Variants in UQCC1 observed in about 807,000 individuals in gnomAD.
UQCC1 encodes ubiquinol-cytochrome c reductase complex assembly factor 1.
Under a neutral mutation model 48.0 loss-of-function variants are expected in UQCC1, and 38 were observed. The ratio of observed to expected loss-of-function variants is 0.79; its 90% CI spans 0.61 to 1.04. UQCC1 has a LOEUF of 1.04. UQCC1 is among the 50% of genes least tolerant of loss of function. The probability of loss-of-function intolerance (pLI) is 0.00; values close to 1 mark genes in which losing one functional copy is unlikely to be tolerated. For synonymous variants in UQCC1, 111 were observed against 129.2 expected (o/e 0.86, Z 0.95); for missense variants, 368 against 381.8 (o/e 0.96, Z 0.30).
intron 5 of UQCC1, among the ~76,000 whole-genome samples, chr20:35,368,694 G>C (rs2061696473): frequency 6.6e-6 from 1 of 152,190 alleles, no homozygotes; most frequent in African/African-American, 2.4e-5. Context: ...CGTGTGGGCA[G>C]CCACAATATT....
intron 1 of UQCC1, among the ~76,000 whole-genome samples, chr20:35,400,382 T>C (rs1243499313): frequency 1.3e-5 from 2 of 151,976 alleles, no homozygotes; most frequent in East Asian, 3.8e-4. Context: ...TCATAGCCAC[T>C]CCCAATGGCA....
intron 6 of UQCC1, among the ~76,000 whole-genome samples, chr20:35,362,714 G>T (rs2061619614): frequency 6.6e-6 from 1 of 152,078 alleles, no homozygotes; most frequent in Admixed American, 6.6e-5. Context: ...GAGTGCATGT[G>T]TGTGCGTGTG....
chr20:35,360,819 C>T (rs554167709), intron 6 of UQCC1, among the ~76,000 whole-genome samples: 2 of 152,214 alleles, frequency 1.3e-5, no homozygotes, highest in South Asian at 2.1e-4. Flanking sequence ...GCTGGTGATC[C>T]GTAAATGTTT....
chr20:35,332,616 G>A (rs2061269092), intron 7 of UQCC1, among the ~76,000 whole-genome samples: 1 of 152,212 alleles, frequency 6.6e-6, no homozygotes, highest in Admixed American at 6.5e-5. Context: ...CCATTTTGGA[G>A]GCCAAGGAAG....
At position 35,394,138 on chromosome 20, in the gene UQCC1, G is replaced by A; in HGVS notation, c.83C>T (p.Ser28Phe). Residue 28 changes from serine (S) to phenylalanine (F), a missense_variant, in exon 2 of 10, where the codon TCT becomes TTT. By Grantham distance (155) the Ser-to-Phe change is radical. Coordinates refer to ENST00000374385, the MANE Select transcript of UQCC1 (RefSeq NM_018244.5). ...CCTGTCCCCCTGTCCTTGGGTAGGA[G>A]ACACAGGTATCAATCGGCTGCATAC... ...VPVCSRLIPV[S>F]PTQGQGDRAL... 2 of 1,614,040 alleles carry A rather than the reference G, an allele frequency of 1.2e-6. No homozygotes were observed. The highest frequency in any genetic ancestry group is 1.7e-6 in the Non-Finnish European group (2 of 1,179,982).
chr20:35,395,048 C>T (rs533751210), intron 1 of UQCC1, among the ~76,000 whole-genome samples: 2 of 152,144 alleles, frequency 1.3e-5, no homozygotes, highest in East Asian at 1.9e-4. Flanking sequence ...AGACAGGGTA[C>T]GGGGTGGGAG....
chr20:35,304,867 C>T (rs2060911130), intron 9 of UQCC1, among the ~76,000 whole-genome samples: 1 of 152,212 alleles, frequency 6.6e-6, no homozygotes, highest in Non-Finnish European at 1.5e-5. Flanking sequence ...TCAACCCCAG[C>T]CTCTCGCACG....
chr20:35,335,798 T>C (rs956154340), intron 7 of UQCC1, among the ~76,000 whole-genome samples: 4 of 152,222 alleles, frequency 2.6e-5, no homozygotes, highest in Admixed American at 2.6e-4. Flanking sequence ...TGTTATGGGA[T>C]ATAAATTATA....
At chr20:35,349,611 TA>T (rs1228803009) in intron 6 of UQCC1, among the ~76,000 whole-genome samples, 1 of 152,122 alleles carries the variant, frequency 6.6e-6, no homozygotes, top group Non-Finnish European at 1.5e-5. Flanking sequence ...ATAGGAGGAC[TA>T]GAAGTATCTT....
intron 5 of UQCC1, among the ~76,000 whole-genome samples, chr20:35,369,962 T>G (rs2061711250): frequency 6.6e-6 from 1 of 152,172 alleles, no homozygotes; most frequent in African/African-American, 2.4e-5. Context: ...CACTGTGGAA[T>G]TCAACAGGAG....
intron 5 of UQCC1, among the ~76,000 whole-genome samples, chr20:35,372,156 A>C (rs2061740360): frequency 6.6e-6 from 1 of 151,908 alleles, no homozygotes; most frequent in Non-Finnish European, 1.5e-5. Flanking sequence ...CTAAAAGTAC[A>C]AAAAAATTAG....
At chr20:35,306,254 G>T (rs1326150630) in intron 9 of UQCC1, among the ~76,000 whole-genome samples, 1 of 152,176 alleles carries the variant, frequency 6.6e-6, no homozygotes, top group African/African-American at 2.4e-5. Context: ...CAGTTTTGCT[G>T]GAAGTCAGGA....
intron 8 of UQCC1, among the ~76,000 whole-genome samples, chr20:35,310,173 A>G (rs1464828497): frequency 6.6e-6 from 1 of 152,262 alleles, no homozygotes; most frequent in Non-Finnish European, 1.5e-5. Context: ...AGTGGGAAAG[A>G]GCCAGACCGT....
intron 1 of UQCC1, among the ~76,000 whole-genome samples, chr20:35,404,685 C>G (rs1195773507): frequency 1.4e-5 from 2 of 141,406 alleles, no homozygotes; most frequent in Non-Finnish European, 3.0e-5. Flanking sequence ...AAGCTTGACT[C>G]TGAAAAAAAA....
rs553099510 is a variant in UQCC1, at chr20:35,395,928, G to T, written c.25-1732C>A. On this transcript the variant is annotated intron_variant, in intron 1 of 9. Coordinates refer to ENST00000374385, the MANE Select transcript of UQCC1 (RefSeq NM_018244.5). ...TCTGGGAAGAGAAACAAAATAAGCA[G>T]ACTTCTGGCATTTTATGATTAGATT... 1.9e-4 allele frequency among the ~76,000 whole-genome samples: 28 copies of T among 150,146 alleles called. 1 individual carries two copies. Among genetic ancestry groups the T allele is most frequent in the African/African-American group, 6.6e-4 (27 of 41,078 alleles).
intron 7 of UQCC1, among the ~76,000 whole-genome samples, chr20:35,327,734 T>C (rs1471965131): frequency 6.6e-6 from 1 of 152,160 alleles, no homozygotes; most frequent in Non-Finnish European, 1.5e-5. Flanking sequence ...GTGCAGTGGC[T>C]CATGCCTCTG....
chr20:35,329,068 G>A (rs985278476), intron 7 of UQCC1, among the ~76,000 whole-genome samples: 1 of 152,162 alleles, frequency 6.6e-6, no homozygotes, highest in Non-Finnish European at 1.5e-5. Flanking sequence ...AATGCTACTG[G>A]ATCTAGAGGA....
intron 2 of UQCC1, among the ~76,000 whole-genome samples, chr20:35,390,234 G>A (rs1466880473): frequency 6.6e-6 from 1 of 152,036 alleles, no homozygotes; most frequent in Non-Finnish European, 1.5e-5. Flanking sequence ...AGACCAGCCT[G>A]GCCAACACAG....
At chr20:35,321,213 T>C (rs769041664) in intron 7 of UQCC1, among the ~76,000 whole-genome samples, 6 of 151,800 alleles carry the variant, frequency 4.0e-5, no homozygotes, top group Non-Finnish European at 8.8e-5. Flanking sequence ...AAAGATCTAT[T>C]GAGGGTCTTT....
Sources: allele counts gnomAD v4.1 joint callset (sites outside exome capture counted in the v4.1 genomes callset), GRCh38; gene constraint gnomAD v4.1.1; transcripts MANE v1.5; gene names NCBI Gene and HGNC (gene_info 2026-07-23, HGNC 2026-07-21).